ELP4: variants seen among roughly 807,000 people sequenced by gnomAD.
ELP4 encodes the protein elongator complex protein 4.
ELP4 carries 51 observed loss-of-function variants against 48.9 expected under a neutral mutation model. That is an observed-to-expected ratio of 1.04 (90% CI 0.83 to 1.32). The LOEUF (loss-of-function observed/expected upper bound fraction) is 1.32, where lower values mean the gene tolerates loss of function less well. Ranked by LOEUF, ELP4 falls within the 40% of genes most tolerant of loss-of-function variation. The pLI is 0.00. For missense variants in ELP4, 519 were observed against 514.6 expected (o/e 1.01, Z -0.08); for synonymous variants, 210 against 189.2 (o/e 1.11, Z -0.90).
chr11:31,633,077 C>T (rs528362658), intron 7 of ELP4: 12 of 151,992 alleles, frequency 7.9e-5, no homozygotes, highest in East Asian at 5.8e-4. Flanking sequence ...TAATATTAAA[C>T]GTGGTTTTAA....
intron 4 of ELP4, among the ~76,000 whole-genome samples, chr11:31,601,432 A>T (rs1957780149): frequency 6.6e-6 from 1 of 152,124 alleles, no homozygotes. Flanking sequence ...TTTCTAAATA[A>T]ATTAATAACA....
At chr11:31,623,154 C>T (rs1353851972) in intron 5 of ELP4, among the ~76,000 whole-genome samples, 1 of 150,168 alleles carries the variant, frequency 6.7e-6, no homozygotes, top group East Asian at 2.0e-4. Context: ...AATTTGATAA[C>T]GTAATCTTTG....
At chr11:31,532,285 A>G (rs1366901814) in intron 2 of ELP4, among the ~76,000 whole-genome samples, 1 of 152,236 alleles carries the variant, frequency 6.6e-6, no homozygotes, top group African/African-American at 2.4e-5. Context: ...AAGATAACAT[A>G]AAACATGTTT....
Position 31,783,406 on chromosome 11 carries a change from C to T in ELP4, c.1157C>T (p.Pro386Leu). 9 of 1,613,296 alleles carry T rather than the reference C, an allele frequency of 5.6e-6. No individual in the cohort carries two copies. Among genetic ancestry groups the T allele is most frequent in the Non-Finnish European group, 7.6e-6 (9 of 1,179,452 alleles). ...CTTCTGCCATAGCGACTGCATTTGC[C>T]TCCAGACTTGTCAGACACAGTGAGC... The part of the protein sequence containing the change: ...KLFTIERLHL[P>L]PDLSDTVSRS... The change falls in exon 10 of 10, where the codon CCT becomes CTT. Residue 386 changes from proline (P) to leucine (L), a missense_variant. By Grantham distance (98) the Pro-to-Leu change is moderately conservative. Coordinates refer to ENST00000640961, the MANE Select transcript of ELP4 (RefSeq NM_019040.5).
intron 1 of ELP4, chr11:31,511,117 T>C (rs1414336970): frequency 6.6e-6 from 1 of 152,214 alleles, no homozygotes; most frequent in Non-Finnish European, 1.5e-5. Context: ...TCTCATTTCA[T>C]TTTCCGGTTA....
rs1046729423 is a variant in ELP4, at chr11:31,668,684, G to A, written c.1143+18463G>A. ...AAATTTCCTTTGGTACCGTGTGTGT[G>A]TGTGTGTGTGTGTGTGTGTGTGTGT... On this transcript the variant is annotated intron_variant, in intron 9 of 9. Coordinates refer to ENST00000640961, the MANE Select transcript of ELP4 (RefSeq NM_019040.5). 9.0e-4 allele frequency among the ~76,000 whole-genome samples: 122 copies of A among 135,052 alleles called. 4 individuals carry two copies. Among genetic ancestry groups the A allele is most frequent in the Non-Finnish European group, 1.6e-3 (105 of 64,442 alleles). 88.6% of individuals were successfully genotyped at this position (135,052 alleles called of 152,430 possible). A position where few individuals can be genotyped will look rare whatever the true frequency, so the allele number is the denominator to read the frequency against.
chr11:31,549,447 A>G (rs1421471133), intron 3 of ELP4, among the ~76,000 whole-genome samples: 2 of 152,184 alleles, frequency 1.3e-5, no homozygotes, highest in Non-Finnish European at 1.5e-5. Context: ...ATATCATCTC[A>G]CACCAGTTAG....
intron 3 of ELP4, among the ~76,000 whole-genome samples, chr11:31,550,234 G>A (rs182067025): frequency 5.3e-5 from 8 of 152,148 alleles, no homozygotes; most frequent in Admixed American, 1.3e-4. Context: ...TTATTTAAGT[G>A]AGTATAAAAT....
At chr11:31,685,382 A>AT (rs1325236040) in intron 9 of ELP4, among the ~76,000 whole-genome samples, 2 of 151,880 alleles carry the variant, frequency 1.3e-5, no homozygotes, top group African/African-American at 4.8e-5. Context: ...AGCAAAGGAA[A>AT]TTTAATTGAA....
chr11:31,519,967 A>G (rs1203107686), intron 1 of ELP4, 89 bp from the exon 2 acceptor site: 1 of 1,221,634 alleles, frequency 8.2e-7, no homozygotes, highest in Admixed American at 2.0e-5. Context: ...AAAGTTATTG[A>G]AGTGCCTTTC....
chr11:31,750,328 G>A (rs1947693492), intron 9 of ELP4, among the ~76,000 whole-genome samples: 1 of 152,176 alleles, frequency 6.6e-6, no homozygotes, highest in Non-Finnish European at 1.5e-5. Context: ...GAGTTGTGGT[G>A]AGGCTTTTTC....
chr11:31,552,122 A>G lies in ELP4; in HGVS notation c.381+12339A>G, dbSNP rs1266526316. ...CATTGATCATTCCTTCTTCCCCGAT[A>G]TACTTTCTTCCCTTGGTTTCCAGGA... On this transcript the variant is annotated intron_variant, in intron 3 of 9. Coordinates refer to ENST00000640961, the MANE Select transcript of ELP4 (RefSeq NM_019040.5). Among the ~76,000 whole-genome samples the G allele has an allele frequency of 2.6e-5, 4 of 152,000 alleles. No homozygotes were observed. The East Asian group carries it at 7.7e-4, about 29-fold the overall frequency.
intron 9 of ELP4, among the ~76,000 whole-genome samples, chr11:31,778,499 T>C (rs1237537882): frequency 6.6e-6 from 1 of 152,244 alleles, no homozygotes; most frequent in Admixed American, 6.5e-5. Context: ...TTTTGTCTTG[T>C]TATACCATAT....
Position 31,660,090 on chromosome 11 carries a change from A to G in ELP4, c.1143+9869A>G, listed in dbSNP as rs115978833. Among the ~76,000 whole-genome samples, 1,030 of 152,278 alleles carry G rather than the reference A, an allele frequency of 6.8e-3. 10 individuals carry two copies. The highest frequency in any genetic ancestry group is 0.024 in the African/African-American group (979 of 41,582). ...ACATTTCTTGTCTTTAATTAATGAA[A>G]TGTTTATTAATTTTCTAAATAATTA... is the stretch of plus-strand genomic sequence containing the variant. On this transcript the variant is annotated intron_variant, in intron 9 of 9. Transcript: ENST00000640961.
chr11:31,652,221 GT>G (rs567681364), intron 9 of ELP4: 2 of 151,460 alleles, frequency 1.3e-5, no homozygotes, highest in Middle Eastern at 6.9e-3. Flanking sequence ...AGTTTTTTGA[GT>G]TTTTTTGTTA....
At chr11:31,747,336 A>C (rs7104512) in intron 9 of ELP4, among the ~76,000 whole-genome samples, 49,430 of 151,914 alleles carry the variant, frequency 0.33, 9,166 homozygotes, top group African/African-American at 0.51. Flanking sequence ...TAATTAGCTT[A>C]AGAGAACTTA....
chr11:31,770,519 T>G (rs1948117074), intron 9 of ELP4, among the ~76,000 whole-genome samples: 1 of 151,688 alleles, frequency 6.6e-6, no homozygotes, highest in Non-Finnish European at 1.5e-5. Flanking sequence ...AATGATTTTT[T>G]TTTCAGTTCT....
At chr11:31,730,136 C>T (rs1947154168) in intron 9 of ELP4, among the ~76,000 whole-genome samples, 1 of 152,210 alleles carries the variant, frequency 6.6e-6, no homozygotes, top group African/African-American at 2.4e-5. Flanking sequence ...CACCCTCTCA[C>T]CATTGTCCTT....
At chr11:31,738,330 C>T (rs556565154) in intron 9 of ELP4, among the ~76,000 whole-genome samples, 7 of 150,670 alleles carry the variant, frequency 4.6e-5, no homozygotes, top group African/African-American at 1.7e-4. Flanking sequence ...GGAAGAATTG[C>T]TTGGGCCGTG....
Sources: gnomAD v4.1 joint callset for allele counts (sites outside exome capture counted in the v4.1 genomes callset) on GRCh38, gnomAD v4.1.1 for gene constraint, MANE v1.5 for transcripts, NCBI Gene and HGNC (gene_info 2026-07-23, HGNC 2026-07-21) for gene names.